The following GRIK2 variants were observed in gnomAD, a reference collection of about 807,000 sequenced individuals.
GRIK2 encodes glutamate ionotropic receptor kainate type subunit 2.
Under a neutral mutation model 100.3 loss-of-function variants are expected in GRIK2, and 32 were observed. The observed-to-expected ratio is 0.32, with a 90% CI of 0.24 to 0.43. GRIK2 has a LOEUF of 0.43. Among genes scored for constraint, GRIK2 ranks in the 20% least tolerant of loss-of-function variants. GRIK2 has a pLI of 1.00. For missense variants in GRIK2, 843 were observed against 1,114.9 expected (o/e 0.76, Z 3.47); for synonymous variants, 417 against 389.4 (o/e 1.07, Z -0.83).
intron 14 of GRIK2, among the ~76,000 whole-genome samples, chr6:101,930,639 C>G (rs1790209579): frequency 6.6e-6 from 1 of 151,880 alleles, no homozygotes; most frequent in Non-Finnish European, 1.5e-5. Flanking sequence ...TAGCAAAGTT[C>G]ATTTTTGAAA....
At chr6:101,549,197 G>A (rs549570221) in intron 2 of GRIK2, among the ~76,000 whole-genome samples, 47 of 150,458 alleles carry the variant, frequency 3.1e-4, no homozygotes, top group African/African-American at 1.1e-3. Context: ...TGGCATGAAA[G>A]AGAATGGGTT....
At chr6:102,026,109 T>TAC in intron 14 of GRIK2, among the ~76,000 whole-genome samples, 1 of 62,868 alleles carries the variant, frequency 1.6e-5, no homozygotes, top group Non-Finnish European at 3.0e-5. Context: ...CATATACACT[T>TAC]ACATATATAT....
At chr6:101,675,941 G>A (rs1452751033) in intron 4 of GRIK2, among the ~76,000 whole-genome samples, 3 of 152,074 alleles carry the variant, frequency 2.0e-5, no homozygotes, top group African/African-American at 7.2e-5. Context: ...TTATTCACCA[G>A]AACATTACAT....
chr6:101,797,506 T>C (rs1048492475), intron 7 of GRIK2, among the ~76,000 whole-genome samples: 1 of 150,504 alleles, frequency 6.6e-6, no homozygotes, highest in African/African-American at 2.4e-5. Flanking sequence ...AAAGTAAATA[T>C]ATTAATTACC....
intron 2 of GRIK2, among the ~76,000 whole-genome samples, chr6:101,452,105 C>G (rs1430661787): frequency 6.6e-6 from 1 of 151,634 alleles, no homozygotes; most frequent in Non-Finnish European, 1.5e-5. Flanking sequence ...GAAAGTGACA[C>G]AAAGGCTAAA....
intron 14 of GRIK2, among the ~76,000 whole-genome samples, chr6:102,021,048 T>C (rs1488144093): frequency 1.3e-5 from 2 of 151,820 alleles, no homozygotes; most frequent in African/African-American, 4.8e-5. Flanking sequence ...ACAACACTCA[T>C]ATGGGAAGTA....
intron 14 of GRIK2, among the ~76,000 whole-genome samples, chr6:101,958,201 A>AT (rs1792059926): frequency 7.2e-6 from 1 of 139,340 alleles, no homozygotes; most frequent in Admixed American, 7.3e-5. Context: ...AATGTTTTGT[A>AT]TTTTTTCTTT....
chr6:101,895,360 C>T (rs1429952875), intron 12 of GRIK2, among the ~76,000 whole-genome samples: 2 of 151,662 alleles, frequency 1.3e-5, no homozygotes, highest in Non-Finnish European at 3.0e-5. Context: ...AGAATCTACT[C>T]AATGGTTTAT....
chr6:101,800,157 C>T (rs1052310413), intron 8 of GRIK2, among the ~76,000 whole-genome samples: 4 of 151,920 alleles, frequency 2.6e-5, no homozygotes, highest in Non-Finnish European at 5.9e-5. Flanking sequence ...ATTTGTGAGG[C>T]TTCAAGTATA....
intron 3 of GRIK2, among the ~76,000 whole-genome samples, chr6:101,624,720 T>C (rs1416938354): frequency 6.6e-6 from 1 of 152,110 alleles, no homozygotes; most frequent in East Asian, 1.9e-4. Context: ...GAAGACTATT[T>C]CATTTTTCAA....
intron 14 of GRIK2, chr6:101,993,227 AAAG>A (rs1399797260): frequency 6.6e-6 from 1 of 151,426 alleles, no homozygotes; most frequent in Non-Finnish European, 1.5e-5. Context: ...AGGAGGAAGG[AAAG>A]AAGAACAGAA....
intron 2 of GRIK2, among the ~76,000 whole-genome samples, chr6:101,556,174 G>A (rs1226191430): frequency 6.6e-6 from 1 of 151,442 alleles, no homozygotes; most frequent in African/African-American, 2.4e-5. Flanking sequence ...TTATCCGAAG[G>A]TATCTTTTTC....
intron 10 of GRIK2, among the ~76,000 whole-genome samples, chr6:101,836,384 T>C (rs1212570121): frequency 6.6e-6 from 1 of 151,996 alleles, no homozygotes; most frequent in Non-Finnish European, 1.5e-5. Context: ...TGAATGGAGA[T>C]GACTGTTAGT....
At chr6:101,868,768 A>G (rs567336884) in intron 11 of GRIK2, among the ~76,000 whole-genome samples, 1 of 152,030 alleles carries the variant, frequency 6.6e-6, no homozygotes, top group African/African-American at 2.4e-5. Flanking sequence ...TTTTCAAAGT[A>G]AATTTGAGTA....
At chr6:101,773,434 C>T (rs898885124) in intron 7 of GRIK2, among the ~76,000 whole-genome samples, 2 of 145,910 alleles carry the variant, frequency 1.4e-5, no homozygotes, top group Admixed American at 1.4e-4. Flanking sequence ...GAGCCGAGAT[C>T]GTGCCATTGC....
At chr6:102,059,969 T>G (rs1255855057) in intron 16 of GRIK2, among the ~76,000 whole-genome samples, 1 of 150,274 alleles carries the variant, frequency 6.7e-6, no homozygotes, top group East Asian at 1.9e-4. Flanking sequence ...CATTTCTTAT[T>G]AAGTGTAAAT....
chr6:101,629,619 T>G (rs992712384), intron 4 of GRIK2, among the ~76,000 whole-genome samples: 1 of 152,134 alleles, frequency 6.6e-6, no homozygotes, highest in Non-Finnish European at 1.5e-5. Flanking sequence ...ATGATAGAAC[T>G]GACTCGAAGG....
intron 2 of GRIK2, among the ~76,000 whole-genome samples, chr6:101,475,197 G>C (rs1370772473): frequency 2.6e-5 from 4 of 151,862 alleles, no homozygotes; most frequent in South Asian, 4.1e-4. Flanking sequence ...CACACGTTTA[G>C]AGAAGGTGTA....
At chr6:101,611,592 G>A (rs1779677532) in intron 2 of GRIK2, among the ~76,000 whole-genome samples, 1 of 151,772 alleles carries the variant, frequency 6.6e-6, no homozygotes, top group Admixed American at 6.6e-5. Flanking sequence ...TTAGAAATAA[G>A]GTTGAAAATA....
Sources: allele counts gnomAD v4.1 joint callset (sites outside exome capture counted in the v4.1 genomes callset), GRCh38; gene constraint gnomAD v4.1.1; transcripts MANE v1.5; gene names NCBI Gene and HGNC (gene_info 2026-07-23, HGNC 2026-07-21).